The following CDH4 variants were observed in gnomAD, a reference collection of about 807,000 sequenced individuals.
CDH4 encodes cadherin 4.
In CDH4, 33 loss-of-function variants were observed where a neutral mutation model predicts 86.0. The observed-to-expected ratio is 0.38, with a 90% CI of 0.29 to 0.51. The LOEUF (loss-of-function observed/expected upper bound fraction) is 0.51, where lower values mean the gene tolerates loss of function less well. Among genes scored for constraint, CDH4 ranks in the 20% least tolerant of loss-of-function variants. CDH4 has a pLI of 0.86. For synonymous variants in CDH4, 555 were observed against 549.4 expected (o/e 1.01, Z -0.14); for missense variants, 1,114 against 1,307.4 (o/e 0.85, Z 2.28).
chr20:61,536,664 G>A (rs766961102), intron 2 of CDH4, among the ~76,000 whole-genome samples: 1 of 152,216 alleles, frequency 6.6e-6, no homozygotes, highest in African/African-American at 2.4e-5. Context: ...GTGTCTGACC[G>A]CAGCATTATT....
intron 2 of CDH4, among the ~76,000 whole-genome samples, chr20:61,324,975 A>C (rs184747113): frequency 1.3e-5 from 2 of 152,302 alleles, no homozygotes; most frequent in East Asian, 3.9e-4. Context: ...AAGCACTCAC[A>C]GCCATGCCTG....
chr20:61,893,184 T>G, intron 7 of CDH4, among the ~76,000 whole-genome samples: 5 of 46,718 alleles, frequency 1.1e-4, no homozygotes, highest in Non-Finnish European at 1.2e-4. Context: ...GGTGGGTGGG[T>G]GGATAAATGA....
intron 6 of CDH4, among the ~76,000 whole-genome samples, chr20:61,868,735 T>C (rs893355419): frequency 2.2e-5 from 1 of 45,846 alleles, no homozygotes; most frequent in South Asian, 7.3e-4. Flanking sequence ...GCAGGTGTCC[T>C]CCTCCCTGGC....
chr20:61,660,019 C>G (rs1011314517), intron 2 of CDH4, among the ~76,000 whole-genome samples: 1 of 151,796 alleles, frequency 6.6e-6, no homozygotes, highest in Non-Finnish European at 1.5e-5. Flanking sequence ...TGGACTCCTG[C>G]TTTTCCGGCT....
chr20:61,805,206 G>GC (rs1399093692), intron 4 of CDH4, among the ~76,000 whole-genome samples: 1 of 152,212 alleles, frequency 6.6e-6, no homozygotes, highest in Non-Finnish European at 1.5e-5. Context: ...CCTTGACCCA[G>GC]CCCCCCATCC....
At chr20:61,633,187 C>CA (rs1394389319) in intron 2 of CDH4, among the ~76,000 whole-genome samples, 2 of 150,508 alleles carry the variant, frequency 1.3e-5, no homozygotes, top group East Asian at 4.0e-4. Context: ...CCCATCCATC[C>CA]TCCATCCATT....
At chr20:61,656,770 G>A (rs891928860) in intron 2 of CDH4, among the ~76,000 whole-genome samples, 1 of 152,170 alleles carries the variant, frequency 6.6e-6, no homozygotes, top group African/African-American at 2.4e-5. Flanking sequence ...CCAAAGGCAG[G>A]GGTCCATTCC....
chr20:61,686,383 A>ATG (rs552357616), intron 2 of CDH4, among the ~76,000 whole-genome samples: 2 of 147,772 alleles, frequency 1.4e-5, no homozygotes, highest in South Asian at 2.2e-4. Context: ...ATGTGTGTAT[A>ATG]TGTGTGTGTG....
chr20:61,718,989 GA>G (rs1049677883), intron 2 of CDH4: 3 of 471,162 alleles, frequency 6.4e-6, no homozygotes, highest in African/African-American at 4.0e-5. Flanking sequence ...TGCACCAGAT[GA>G]AAGAGCACAC....
At chr20:61,272,754 G>C (rs534837434) in intron 2 of CDH4, among the ~76,000 whole-genome samples, 1 of 151,502 alleles carries the variant, frequency 6.6e-6, no homozygotes, top group South Asian at 2.1e-4. Flanking sequence ...GTTTGGGGGA[G>C]TACCATGCGT....
chr20:61,333,632 G>A (rs1486493967), intron 2 of CDH4, among the ~76,000 whole-genome samples: 1 of 152,218 alleles, frequency 6.6e-6, no homozygotes, highest in Non-Finnish European at 1.5e-5. Context: ...GACAGTCAGA[G>A]CCCTTACCCC....
At chr20:61,565,232 GGTGGTGGTGGCGGTGCTC>G (rs2086270533) in intron 2 of CDH4, among the ~76,000 whole-genome samples, 1 of 51,066 alleles carries the variant, frequency 2.0e-5, no homozygotes, top group Non-Finnish European at 3.9e-5. Flanking sequence ...AGGTGGTGGT[GGTGGTGGTGGCGGTGCTC>G]TTGGTGATGG....
rs549989843 is a variant in CDH4 at position 61,541,105 on chromosome 20, T to C, written c.170-202458T>C. Among the ~76,000 whole-genome samples the C allele has an allele frequency of 2.0e-5, 3 of 152,328 alleles. No individual in the cohort carries two copies. The South Asian group carries it at 6.2e-4, about 32-fold the overall frequency. The stretch of plus-strand genomic sequence containing the variant: ...TGCTCGGAGACTTCCAGAAGGGAGC[T>C]GTTCATGTCTCTTCTGCCCCTCTCC... On this transcript the variant is annotated intron_variant, in intron 2 of 15. Coordinates refer to ENST00000614565, the MANE Select transcript of CDH4 (RefSeq NM_001794.5).
intron 8 of CDH4, among the ~76,000 whole-genome samples, chr20:61,903,818 A>G (rs1844258870): frequency 6.6e-6 from 1 of 152,066 alleles, no homozygotes; most frequent in African/African-American, 2.4e-5. Context: ...CAAAATGGGA[A>G]CAATAATATA....
chr20:61,929,083 A>G (rs2055077180), intron 12 of CDH4, among the ~76,000 whole-genome samples: 1 of 151,692 alleles, frequency 6.6e-6, no homozygotes, highest in Non-Finnish European at 1.5e-5. Flanking sequence ...TTGATTTGGT[A>G]AAACTCTTTA....
rs201113013 is a variant in CDH4, at chr20:61,928,371, G to T, written c.1953G>T (p.Leu651=). The T allele has an allele frequency of 4.2e-5, 67 of 1,611,924 alleles. No individual in the cohort carries two copies. The African/African-American group carries it at 6.9e-4, about 17-fold the overall frequency. Residue 651 remains leucine, a synonymous_variant, in exon 12 of 16, where the codon CTG becomes CTT. Transcript: ENST00000614565. ...DPNIGPYVFE[L]PFVPAAVRKN... ...ACATCGGCCCCTACGTCTTCGAGCT[G>T]CCCTTTGTCCCGGCGGCCGTGCGGA... is the stretch of plus-strand genomic sequence containing the variant.
chr20:61,809,047 C>A (rs1412023534), intron 4 of CDH4, among the ~76,000 whole-genome samples: 1 of 152,238 alleles, frequency 6.6e-6, no homozygotes, highest in Non-Finnish European at 1.5e-5. Flanking sequence ...GTCCCAGCCA[C>A]AGACGCCTGG....
At chr20:61,358,693 G>A (rs970131184) in intron 2 of CDH4, among the ~76,000 whole-genome samples, 2 of 152,138 alleles carry the variant, frequency 1.3e-5, no homozygotes, top group African/African-American at 4.8e-5. Flanking sequence ...TTTGTCTTGC[G>A]AACACATTTG....
intron 2 of CDH4, among the ~76,000 whole-genome samples, chr20:61,532,603 C>A (rs2085963849): frequency 6.6e-6 from 1 of 152,204 alleles, no homozygotes. Context: ...AGCAGCGAGT[C>A]TGTGAAAATG....
Sources: gnomAD v4.1 joint callset for allele counts (sites outside exome capture counted in the v4.1 genomes callset) on GRCh38, gnomAD v4.1.1 for gene constraint, MANE v1.5 for transcripts, NCBI Gene and HGNC (gene_info 2026-07-23, HGNC 2026-07-21) for gene names.